The following SYT16 variants were observed in gnomAD, a reference collection of about 807,000 sequenced individuals.
SYT16 encodes the protein synaptotagmin-16.
A neutral mutation model predicts 61.4 loss-of-function variants in SYT16; 42 were observed. The ratio of observed to expected loss-of-function variants is 0.68; its 90% CI spans 0.53 to 0.89. The LOEUF is 0.89. Among genes scored for constraint, SYT16 ranks in the 40% least tolerant of loss-of-function variants. SYT16 has a pLI of 0.00. For synonymous variants in SYT16, 314 were observed against 302.3 expected, an observed-to-expected ratio of 1.04 and a Z score of -0.40; for missense variants, 804 against 807.3, an observed-to-expected ratio of 1.00 and a Z score of 0.05.
chr14:61,847,545 G>T (rs2046480959), intron 1 of SYT16, among the ~76,000 whole-genome samples: 1 of 152,038 alleles, frequency 6.6e-6, no homozygotes, highest in Non-Finnish European at 1.5e-5. Context: ...TCCTCTTTGG[G>T]TTAAATCTGC....
At chr14:61,888,067 C>T (rs1462323897) in intron 1 of SYT16, among the ~76,000 whole-genome samples, 6 of 151,770 alleles carry the variant, frequency 4.0e-5, no homozygotes, top group African/African-American at 1.5e-4. Flanking sequence ...CAATTCCTTC[C>T]ACTTGAACAC....
rs777278498 is a variant in SYT16 at position 62,100,564 on chromosome 14, C to T, written c.1795C>T (p.Arg599Cys). ...GTTGATGATTTCCGTTTATAACAGG[C>T]GTACTATGAAGCGTAAAGAGATGAT... ...VTLMISVYNR[R>C]TMKRKEMIGW... Residue 599 changes from arginine to cysteine, a missense_variant, in exon 8 of 8, where the codon CGT becomes TGT. Transcript: ENST00000683842. 6.2e-6 allele frequency: 10 copies of T among 1,613,610 alleles called. No individual in the cohort carries two copies. Among genetic ancestry groups the T allele is most frequent in the African/African-American group, 2.7e-5 (2 of 74,886 alleles).
intron 1 of SYT16, among the ~76,000 whole-genome samples, chr14:61,951,068 G>A (rs1009127658): frequency 9.9e-5 from 15 of 152,224 alleles, no homozygotes; most frequent in African/African-American, 3.6e-4. Flanking sequence ...ACTAACGCTA[G>A]ATAATTGGTT....
chr14:62,111,731 T>G lies in SYT16; in HGVS notation c.*11024T>G, dbSNP rs2057612314. 6.6e-6 allele frequency: 1 copy of G among 152,058 alleles called. No homozygotes were observed. The highest frequency in any genetic ancestry group is 2.4e-5 in the African/African-American group (1 of 41,426). The allele number at this position is 152,058 out of a possible 1,614,324, so 9.4% of individuals were successfully genotyped here. ...TGCTATTATAGTTCCTCCTCTAGTT[T>G]TCCAGTAGAGAATTCGTATGTGGTC... is the stretch of plus-strand genomic sequence containing the variant. On this transcript the variant is annotated 3_prime_UTR_variant, in exon 8 of 8. Coordinates refer to ENST00000683842, the MANE Select transcript of SYT16 (RefSeq NM_001367656.1).
At chr14:62,094,898 A>G (rs1256587742) in intron 7 of SYT16, among the ~76,000 whole-genome samples, 2 of 151,878 alleles carry the variant, frequency 1.3e-5, no homozygotes, top group African/African-American at 4.8e-5. Flanking sequence ...TTCCATTCTC[A>G]TCTAATGATC....
rs556646152 is a variant in SYT16 at position 61,991,720 on chromosome 14, A to G, written c.-144-4156A>G. On this transcript the variant is annotated intron_variant, in intron 2 of 7. Coordinates refer to ENST00000683842, the MANE Select transcript of SYT16 (RefSeq NM_001367656.1). ...CCAATTATTCTGGGATCATCTCACA[A>G]TGGTTATTGACAAAAAAGTACAGAA... is the stretch of plus-strand genomic sequence containing the variant. Among the ~76,000 whole-genome samples the G allele has an allele frequency of 3.3e-5, 5 of 152,276 alleles. No homozygotes were observed. The South Asian group carries it at 1.0e-3, about 32-fold the overall frequency.
chr14:61,865,117 C>A (rs1216049710), intron 1 of SYT16: 2 of 1,326,884 alleles, frequency 1.5e-6, no homozygotes, highest in Admixed American at 1.7e-5. Flanking sequence ...ACTATGAAGC[C>A]TTCTGTGGCT....
chr14:62,063,988 C>A (rs2055943861), intron 3 of SYT16, among the ~76,000 whole-genome samples: 1 of 152,172 alleles, frequency 6.6e-6, no homozygotes, highest in Non-Finnish European at 1.5e-5. Flanking sequence ...GTGAAATGAA[C>A]AGTCTTTCAG....
At position 61,906,740 on chromosome 14, in the gene SYT16, TCCA is replaced by T. The variant is rs59407769; in HGVS notation, c.-324-63391_-324-63389del. Among the ~76,000 whole-genome samples the T allele has an allele frequency of 9.0e-5, 11 of 121,650 alleles. No individual in the cohort carries two copies. The South Asian group carries it at 1.3e-3, about 14-fold the overall frequency. 79.8% of individuals were successfully genotyped at this position (121,650 alleles called of 152,430 possible). A position where few individuals can be genotyped will look rare whatever the true frequency, so the allele number is the denominator to read the frequency against. On this transcript the variant is annotated intron_variant, in intron 1 of 7. Coordinates refer to ENST00000683842, the MANE Select transcript of SYT16 (RefSeq NM_001367656.1). ...ATCCATCCATCCATCCATCCATCCA[TCCA>T]TCCATCCTTCCGTCCGTCCGTCAAT...
intron 3 of SYT16, among the ~76,000 whole-genome samples, chr14:62,066,827 C>T (rs1047595676): frequency 6.6e-6 from 1 of 152,194 alleles, no homozygotes; most frequent in African/African-American, 2.4e-5. Flanking sequence ...ATGTGCTCCT[C>T]GCCCTCATGG....
intron 1 of SYT16, among the ~76,000 whole-genome samples, chr14:61,858,355 C>T (rs2046850473): frequency 6.6e-6 from 1 of 151,974 alleles, no homozygotes; most frequent in Non-Finnish European, 1.5e-5. Flanking sequence ...AATGTTATTA[C>T]ATGTACAAAA....
intron 3 of SYT16, among the ~76,000 whole-genome samples, chr14:62,018,836 G>A (rs1428215841): frequency 2.0e-5 from 3 of 152,032 alleles, no homozygotes; most frequent in South Asian, 4.2e-4. Flanking sequence ...TTCACTCTAC[G>A]GTGCTTCTTA....
intron 1 of SYT16, among the ~76,000 whole-genome samples, chr14:61,897,918 A>C (rs574426266): frequency 6.6e-6 from 1 of 152,210 alleles, no homozygotes; most frequent in South Asian, 2.1e-4. Context: ...GGAGCCCCAC[A>C]TCTCTTGGGG....
Position 62,100,608 on chromosome 14 carries a change from C to T in SYT16, c.1839C>T (p.Gly613=). 6.2e-7 allele frequency: 1 copy of T among 1,613,716 alleles called. No homozygotes were observed. The highest frequency in any genetic ancestry group is 1.1e-5 in the South Asian group (1 of 91,064). Residue 613 remains glycine, a synonymous_variant, in exon 8 of 8, where the codon GGC becomes GGT. Transcript: ENST00000683842. ...AGATGATTGGCTGGATTGCCCTGGG[C>T]CAGAACAGCAGTGGAGAGGAGGAAC... ...RKEMIGWIAL[G]QNSSGEEEQD...
chr14:62,039,640 G>A (rs1425807743), intron 3 of SYT16, among the ~76,000 whole-genome samples: 2 of 152,082 alleles, frequency 1.3e-5, no homozygotes, highest in African/African-American at 4.8e-5. Context: ...AATAGAGACA[G>A]CATTTATTGC....
At chr14:62,069,470 T>G (rs2056204642) in intron 3 of SYT16, 133 bp from the exon 4 acceptor site, 2 of 873,036 alleles carry the variant, frequency 2.3e-6, no homozygotes, top group African/African-American at 3.4e-5. Context: ...TAAATTTTTT[T>G]TCTATCCAGT....
chr14:61,955,769 T>C (rs1168404578), intron 1 of SYT16, among the ~76,000 whole-genome samples: 3 of 152,078 alleles, frequency 2.0e-5, no homozygotes, highest in Non-Finnish European at 4.4e-5. Context: ...AGATATCTTT[T>C]TGAGATTCAG....
At chr14:61,813,337 C>T (rs2045326991) in intron 1 of SYT16, among the ~76,000 whole-genome samples, 1 of 152,194 alleles carries the variant, frequency 6.6e-6, no homozygotes, top group South Asian at 2.1e-4. Flanking sequence ...GGGAGGAGTG[C>T]CTGGAGACAT....
chr14:61,841,324 T>C (rs1249850868), intron 1 of SYT16, among the ~76,000 whole-genome samples: 1 of 152,210 alleles, frequency 6.6e-6, no homozygotes, highest in Non-Finnish European at 1.5e-5. Flanking sequence ...TTGTTTCATG[T>C]CACAGAAAAT....
Sources: allele counts gnomAD v4.1 joint callset (sites outside exome capture counted in the v4.1 genomes callset), GRCh38; gene constraint gnomAD v4.1.1; transcripts MANE v1.5; gene names NCBI Gene and HGNC (gene_info 2026-07-23, HGNC 2026-07-21).